PLCB4: variants seen among roughly 807,000 people sequenced by gnomAD.
PLCB4 encodes the protein phospholipase C beta 4, also known as 1-phosphatidylinositol 4,5-bisphosphate phosphodiesterase beta-4.
Under a neutral mutation model 178.8 loss-of-function variants are expected in PLCB4, and 77 were observed. The ratio of observed to expected loss-of-function variants is 0.43; its 90% confidence interval spans 0.36 to 0.52. The LOEUF (loss-of-function observed/expected upper bound fraction) is 0.52. Among genes scored for constraint, PLCB4 ranks in the 20% least tolerant of loss-of-function variants. The probability of loss-of-function intolerance (pLI) is 0.00; values close to 1 mark genes in which losing one functional copy is unlikely to be tolerated. For missense variants in PLCB4, 1,024 were observed against 1,453.4 expected (o/e 0.70, Z 4.80); for synonymous variants, 496 against 490.8 (o/e 1.01, Z -0.14).
At chr20:9,107,302 A>C (rs938152011) in intron 2 of PLCB4, among the ~76,000 whole-genome samples, 8 of 152,204 alleles carry the variant, frequency 5.3e-5, no homozygotes, top group Non-Finnish European at 1.0e-4. Context: ...TTGCAGCTTA[A>C]ATTCTAGTGG....
chr20:9,089,174 G>A (rs1202200945), intron 1 of PLCB4, among the ~76,000 whole-genome samples: 1 of 151,764 alleles, frequency 6.6e-6, no homozygotes. Flanking sequence ...ATGTGATTTT[G>A]TACCAGAATT....
At chr20:9,224,979 T>G (rs2093845379) in intron 3 of PLCB4, among the ~76,000 whole-genome samples, 1 of 152,192 alleles carries the variant, frequency 6.6e-6, no homozygotes, top group Non-Finnish European at 1.5e-5. Flanking sequence ...AAGTCATACT[T>G]TCAACTGGAA....
At chr20:9,363,489 C>T (rs1056066640) in intron 8 of PLCB4, among the ~76,000 whole-genome samples, 1 of 152,090 alleles carries the variant, frequency 6.6e-6, no homozygotes, top group African/African-American at 2.4e-5. Context: ...CTGTAGGATT[C>T]AGTTATTTAA....
chr20:9,167,369 A>G (rs1215197295), intron 2 of PLCB4, among the ~76,000 whole-genome samples: 1 of 152,218 alleles, frequency 6.6e-6, no homozygotes, highest in Non-Finnish European at 1.5e-5. Flanking sequence ...TAAATTTTAA[A>G]AAGCTAATTC....
chr20:9,121,593 G>A (rs183910001), intron 2 of PLCB4, among the ~76,000 whole-genome samples: 14 of 152,258 alleles, frequency 9.2e-5, no homozygotes, highest in Admixed American at 9.2e-4. Flanking sequence ...GATATAAAAT[G>A]TACTACTAGA....
At chr20:9,130,937 A>C (rs2092256362) in intron 2 of PLCB4, among the ~76,000 whole-genome samples, 1 of 152,200 alleles carries the variant, frequency 6.6e-6, no homozygotes, top group Admixed American at 6.5e-5. Context: ...AAGGAATCGG[A>C]GAGTTTCCTG....
In PLCB4 at chr20:9,432,862, C is replaced by A. The variant is rs941688818; in HGVS notation, c.2525-2698C>A. ...CATCAGAGGAGTCTTCTGAACATTGCATTTCCTCTCTAAGCAATGGAGGTA... is the reference window on the plus strand; with the variant it reads ...CATCAGAGGAGTCTTCTGAACATTGAATTTCCTCTCTAAGCAATGGAGGTA... On this transcript the variant is annotated intron_variant, in intron 28 of 39. Transcript: ENST00000378473. 4.6e-5 allele frequency among the ~76,000 whole-genome samples: 7 copies of A among 152,202 alleles called. 1 individual carries two copies. Among genetic ancestry groups the A allele is most frequent in the African/African-American group, 1.7e-4 (7 of 41,458 alleles).
intron 2 of PLCB4, among the ~76,000 whole-genome samples, chr20:9,101,303 A>T (rs372073042): frequency 1.3e-5 from 2 of 152,148 alleles, no homozygotes; most frequent in East Asian, 3.9e-4. Context: ...CTGTGGTTAG[A>T]TTCAGATGAC....
At position 9,372,390 on chromosome 20, in the gene PLCB4, CT is replaced by C; in HGVS notation, c.677del (p.Phe226SerfsTer12). The C allele has an allele frequency of 6.4e-7, 1 of 1,557,350 alleles. No individual in the cohort carries two copies. The highest frequency in any genetic ancestry group is 8.8e-7 in the Non-Finnish European group (1 of 1,136,428). On this transcript the variant is annotated frameshift_variant, in exon 11 of 40. Transcript: ENST00000378473. LOFTEE classifies it high-confidence loss of function. ...TTGTCCTCGGACAGATATAGAAGAT[CT>C]TTTCAAAAAAATGTAAGTTCCACTT... ...KICPRTDIEDLFKKINGDKTD... is the reference protein window; with the variant it reads ...KICPRTDIEDXFKKINGDKTD...
chr20:9,270,501 A>T (rs950689677), intron 3 of PLCB4, among the ~76,000 whole-genome samples: 1 of 152,090 alleles, frequency 6.6e-6, no homozygotes, highest in Non-Finnish European at 1.5e-5. Context: ...TGTATAGGTA[A>T]TCTATTTCTT....
chr20:9,397,097 C>A (rs1464547428), intron 19 of PLCB4, among the ~76,000 whole-genome samples: 1 of 152,176 alleles, frequency 6.6e-6, no homozygotes, highest in Non-Finnish European at 1.5e-5. Flanking sequence ...TGAAGCCAAT[C>A]CTCTCAAACC....
chr20:9,215,370 G>A (rs759676429), intron 2 of PLCB4, among the ~76,000 whole-genome samples: 9 of 152,134 alleles, frequency 5.9e-5, no homozygotes, highest in Middle Eastern at 3.2e-3. Context: ...GGGTGCCTGG[G>A]TTTGAATGCC....
intron 38 of PLCB4, 120 bp from the exon 39 acceptor site, chr20:9,476,597 G>C: frequency 1.5e-6 from 1 of 686,636 alleles, no homozygotes; most frequent in Non-Finnish European, 2.6e-6. Context: ...TTTATCCTTA[G>C]CTTTTTGCTT....
intron 7 of PLCB4, among the ~76,000 whole-genome samples, chr20:9,352,349 G>C (rs1602042523): frequency 6.6e-6 from 1 of 152,148 alleles, no homozygotes; most frequent in Non-Finnish European, 1.5e-5. Flanking sequence ...TATTGTAGTA[G>C]ATATTTGGAA....
chr20:9,292,097 C>T (rs2094584858), intron 3 of PLCB4, among the ~76,000 whole-genome samples: 1 of 152,274 alleles, frequency 6.6e-6, no homozygotes, highest in South Asian at 2.1e-4. Flanking sequence ...TGAATTTATG[C>T]CTGCTCCTTT....
intron 2 of PLCB4, among the ~76,000 whole-genome samples, chr20:9,162,269 A>G (rs989275028): frequency 6.6e-6 from 1 of 152,198 alleles, no homozygotes; most frequent in African/African-American, 2.4e-5. Context: ...CAAGGTTGAA[A>G]GGATCAAGGG....
intron 4 of PLCB4, among the ~76,000 whole-genome samples, chr20:9,333,762 G>A (rs1215843513): frequency 6.6e-6 from 1 of 152,086 alleles, no homozygotes; most frequent in Non-Finnish European, 1.5e-5. Flanking sequence ...AGTAAAGTGG[G>A]TGTGTATTCG....
Position 9,338,072 on chromosome 20 carries a change from C to T in PLCB4, c.225+5C>T, listed in dbSNP as rs1367147412. The stretch of plus-strand genomic sequence containing the variant: ...CGGTCGGGAGCCATACCAAAGGTAC[C>T]TGTGATTGGTATTTGCTTTTCTAAA... On this transcript the variant is annotated splice_donor_5th_base_variant and intron_variant, in intron 6 of 39. Transcript: ENST00000378473. The T allele has an allele frequency of 5.6e-6, 9 of 1,593,482 alleles. No homozygotes were observed. The East Asian group carries it at 2.0e-4, about 36-fold the overall frequency.
intron 4 of PLCB4, among the ~76,000 whole-genome samples, chr20:9,311,024 C>T (rs975815921): frequency 1.3e-5 from 2 of 152,182 alleles, no homozygotes; most frequent in Non-Finnish European, 2.9e-5. Flanking sequence ...TGATGCTTAA[C>T]ATTAAATCTT....
Sources: allele counts gnomAD v4.1 joint callset (sites outside exome capture counted in the v4.1 genomes callset), GRCh38; gene constraint gnomAD v4.1.1; transcripts MANE v1.5; gene names NCBI Gene and HGNC (gene_info 2026-07-23, HGNC 2026-07-21).